CYTH3: variants seen among roughly 807,000 people sequenced by gnomAD.
CYTH3 encodes cytohesin-3.
A neutral mutation model predicts 55.1 loss-of-function variants in CYTH3; 23 were observed. That is an observed-to-expected ratio of 0.42 (90% CI 0.30 to 0.59). CYTH3 has a LOEUF of 0.59. Ranked by LOEUF, CYTH3 falls within the 20% of genes least tolerant of loss-of-function variation. The probability of loss-of-function intolerance (pLI) is 0.20; values close to 1 mark genes in which losing one functional copy is unlikely to be tolerated. For missense variants in CYTH3, 413 were observed against 524.8 expected (o/e 0.79, Z 2.08); for synonymous variants, 249 against 194.9 (o/e 1.28, Z -2.31).
chr7:6,260,467 C>T (rs1017721090), intron 1 of CYTH3, among the ~76,000 whole-genome samples: 9 of 152,258 alleles, frequency 5.9e-5, no homozygotes, highest in East Asian at 3.9e-4. Flanking sequence ...ATTCTCATAA[C>T]ATGCCACATT....
At chr7:6,272,385 AACCCCG>A in intron 1 of CYTH3, 83 bp downstream of exon 1, 1 of 1,171,986 alleles carries the variant, frequency 8.5e-7, no homozygotes, top group Non-Finnish European at 1.1e-6. Context: ...TCCTCCGGCG[AACCCCG>A]GCCCAGCGCC....
Position 6,170,409 on chromosome 7 carries a change from C to A in CYTH3, c.823+126G>T. On this transcript the variant is annotated intron_variant, in intron 9 of 12. Transcript: ENST00000350796. The surrounding 1 kb of genome is among the most constrained non-coding windows in gnomAD (Gnocchi z 7.8). ...TACCGAGAGCGGGCTCTGGCTTAACCGCGTTTCTTTTTAACGTCTCTGCCT... is the reference window on the plus strand; with the variant it reads ...TACCGAGAGCGGGCTCTGGCTTAACAGCGTTTCTTTTTAACGTCTCTGCCT... 1.1e-6 allele frequency: 1 copy of A among 871,980 alleles called. No homozygotes were observed. The highest frequency in any genetic ancestry group is 1.7e-6 in the Non-Finnish European group (1 of 574,690). 54.0% of individuals were successfully genotyped at this position (871,980 alleles called of 1,614,324 possible).
At chr7:6,215,375 G>T (rs1325406215) in intron 1 of CYTH3, among the ~76,000 whole-genome samples, 1 of 152,114 alleles carries the variant, frequency 6.6e-6, no homozygotes, top group South Asian at 2.1e-4. Flanking sequence ...CGGATCACGA[G>T]GTCAGGAGAT....
chr7:6,186,243 CAAAAA>C (rs35117209), intron 4 of CYTH3, among the ~76,000 whole-genome samples: 2 of 77,242 alleles, frequency 2.6e-5, no homozygotes, highest in African/African-American at 5.3e-5. Flanking sequence ...GACTCTATCT[CAAAAA>C]AAAAAAAAAA....
intron 1 of CYTH3, among the ~76,000 whole-genome samples, chr7:6,209,905 G>A (rs1428523714): frequency 6.6e-6 from 1 of 152,184 alleles, no homozygotes; most frequent in African/African-American, 2.4e-5. Flanking sequence ...TTCTGGAAAA[G>A]GCAATGCTAC....
chr7:6,254,698 C>T (rs894519237), intron 1 of CYTH3, among the ~76,000 whole-genome samples: 8 of 152,218 alleles, frequency 5.3e-5, no homozygotes, highest in Non-Finnish European at 1.2e-4. Context: ...AATCTGCGCA[C>T]CTTGGCCTCC....
intron 4 of CYTH3, among the ~76,000 whole-genome samples, chr7:6,181,178 CAT>C (rs1783494735): frequency 6.6e-6 from 1 of 152,132 alleles, no homozygotes; most frequent in African/African-American, 2.4e-5. Context: ...TAAATACTGA[CAT>C]AAATTTGGAC....
chr7:6,238,904 G>A (rs1779598116), intron 1 of CYTH3, among the ~76,000 whole-genome samples: 1 of 149,266 alleles, frequency 6.7e-6, no homozygotes, highest in East Asian at 1.9e-4. Context: ...AGAACTCCAG[G>A]TTAAAAATAA....
At chr7:6,271,227 G>A (rs2115075043) in intron 1 of CYTH3, among the ~76,000 whole-genome samples, 1 of 152,242 alleles carries the variant, frequency 6.6e-6, no homozygotes, top group East Asian at 1.9e-4. Flanking sequence ...CTCGCCAAAT[G>A]CCATGACGGG....
rs1277085689 is a variant in CYTH3, at chr7:6,171,448, G to A, written c.450-134C>T. On this transcript the variant is annotated intron_variant, in intron 6 of 12. Transcript: ENST00000350796. The surrounding 1 kb of genome is among the most constrained non-coding windows in gnomAD (Gnocchi z 6.7). ...GTACAGCTCTGGCAGGGGCTTGGGG[G>A]CGCAGAGACAGAAAGGAGAAGACCC... 2.0e-5 allele frequency: 14 copies of A among 698,926 alleles called. No homozygotes were observed. The highest frequency in any genetic ancestry group is 3.2e-5 in the Non-Finnish European group (13 of 411,546). The allele number at this position is 698,926 out of a possible 1,614,324, so 43.3% of individuals were successfully genotyped here.
intron 1 of CYTH3, among the ~76,000 whole-genome samples, chr7:6,214,764 T>G (rs1784390420): frequency 6.6e-6 from 1 of 152,160 alleles, no homozygotes; most frequent in South Asian, 2.1e-4. Context: ...AAAGGACACA[T>G]GCGATTGACA....
chr7:6,173,154 T>C (rs1003844385), intron 6 of CYTH3: 11 of 789,164 alleles, frequency 1.4e-5, no homozygotes, highest in Non-Finnish European at 1.6e-5. Flanking sequence ...CGAGACAACT[T>C]CCTGCTTGCA....
chr7:6,268,406 A>C (rs1056269085), intron 1 of CYTH3, among the ~76,000 whole-genome samples: 3 of 151,954 alleles, frequency 2.0e-5, no homozygotes, highest in African/African-American at 7.3e-5. Flanking sequence ...CTGACCTCAA[A>C]TGATCCACCC....
intron 1 of CYTH3, among the ~76,000 whole-genome samples, chr7:6,207,400 G>A (rs1325255841): frequency 1.3e-5 from 2 of 152,090 alleles, no homozygotes; most frequent in African/African-American, 4.8e-5. Flanking sequence ...GACCTAAAAT[G>A]TGCATCTTAG....
chr7:6,235,597 C>G (rs1276220435), intron 1 of CYTH3, among the ~76,000 whole-genome samples: 3 of 152,130 alleles, frequency 2.0e-5, no homozygotes, highest in Non-Finnish European at 4.4e-5. Flanking sequence ...TAACTCCGTA[C>G]TTCTCAGAAA....
chr7:6,266,293 A>G (rs1780490259), intron 1 of CYTH3, among the ~76,000 whole-genome samples: 1 of 152,180 alleles, frequency 6.6e-6, no homozygotes, highest in Non-Finnish European at 1.5e-5. Flanking sequence ...ATCACCTGCT[A>G]GCTGTGAAAT....
Position 6,173,735 on chromosome 7 carries a change from T to G in CYTH3, c.369-2A>C. On this transcript the variant is annotated splice_acceptor_variant, in intron 5 of 12. Coordinates refer to ENST00000350796, the MANE Select transcript of CYTH3 (RefSeq NM_004227.4). LOFTEE classifies it high-confidence loss of function. ...AGAACTTTAATATTAAATTCATCCC[T>G]GGGAAAAAAAGAAGTAAGTTTCAAA... 1 of 1,585,852 alleles carries G rather than the reference T, an allele frequency of 6.3e-7. No individual in the cohort carries two copies. Among genetic ancestry groups the G allele is most frequent in the Non-Finnish European group, 8.7e-7 (1 of 1,154,482 alleles).
rs1454223105 is a variant in CYTH3, at chr7:6,225,926, C to T, written c.35-35395G>A. On this transcript the variant is annotated intron_variant, in intron 1 of 12. Transcript: ENST00000350796. ...AACTCCTGACCTTGGGAGCTCAAGA[C>T]CACAACGCCTCAGCCTTCCAAAGTG... Among the ~76,000 whole-genome samples, 4 of 151,454 alleles carry T rather than the reference C, an allele frequency of 2.6e-5. No individual in the cohort carries two copies. In the East Asian group the frequency reaches 5.9e-4, roughly 22 times the overall value.
intron 1 of CYTH3, among the ~76,000 whole-genome samples, chr7:6,245,811 G>A (rs1176915604): frequency 2.0e-5 from 3 of 152,202 alleles, no homozygotes; most frequent in African/African-American, 7.2e-5. Context: ...AGCTGAGGCA[G>A]GAGAATCACC....
Sources: gnomAD v4.1 joint callset for allele counts (sites outside exome capture counted in the v4.1 genomes callset) on GRCh38, gnomAD v4.1.1 for gene constraint, Gnocchi (gnomAD v3.1) non-coding constraint, MANE v1.5 for transcripts, NCBI Gene and HGNC (gene_info 2026-07-23, HGNC 2026-07-21) for gene names.